Variants in SMG8 observed in about 807,000 individuals in gnomAD.
The protein encoded by SMG8 is nonsense-mediated mRNA decay factor SMG8.
Under a neutral mutation model 82.1 loss-of-function variants are expected in SMG8, and 49 were observed. The ratio of observed to expected loss-of-function variants is 0.60; its 90% CI spans 0.47 to 0.76. SMG8 has a LOEUF of 0.76. Ranked by LOEUF, SMG8 falls within the 30% of genes least tolerant of loss-of-function variation. The probability of loss-of-function intolerance (pLI) is 0.00; values close to 1 mark genes in which losing one functional copy is unlikely to be tolerated. For missense variants in SMG8, 969 were observed against 1,166.4 expected (o/e 0.83, Z 2.46); for synonymous variants, 404 against 430.0 (o/e 0.94, Z 0.75).
Position 59,211,617 on chromosome 17 carries a change from T to C in SMG8, c.1566T>C (p.Thr522=). ...QSNLPHNYTM[T]VHKNQLAQAL... ...ATTTGCCTCATAATTACACAATGAC[T>C]GTCCATAAGAATCAGCTTGCCCAGG... The change falls in exon 1 of 4, where the codon ACT becomes ACC. Residue 522 remains threonine (T), a synonymous_variant. Transcript: ENST00000300917. The C allele has an allele frequency of 6.2e-7, 1 of 1,614,092 alleles. No individual in the cohort carries two copies. Among genetic ancestry groups the C allele is most frequent in the Non-Finnish European group, 8.5e-7 (1 of 1,179,994 alleles).
Position 59,211,324 on chromosome 17 carries a change from A to G in SMG8, c.1273A>G (p.Lys425Glu). ...GCATGTGGAGCTAGTTCTAAGCAAG[A>G]AAGGTTTCGATGACAGTGTGGGCAG... is the stretch of plus-strand genomic sequence containing the variant. ...WQHVELVLSKKGFDDSVGRNP... is the reference protein window; with the variant it reads ...WQHVELVLSKEGFDDSVGRNP... The change falls in exon 1 of 4, where the codon AAA (lysine) becomes GAA (glutamate). Residue 425 changes from lysine to glutamate, a missense_variant. Lys to Glu is a moderately conservative substitution (Grantham distance 56). Around this residue, in one of 3 missense-constraint regions of SMG8, gnomAD observed 662 missense variants for 884.8 expected, o/e 0.75. Transcript: ENST00000300917. The G allele has an allele frequency of 6.2e-7, 1 of 1,614,124 alleles. No individual in the cohort carries two copies. Among genetic ancestry groups the G allele is most frequent in the Non-Finnish European group, 8.5e-7 (1 of 1,180,000 alleles).
At position 59,211,077 on chromosome 17, in the gene SMG8, C is replaced by G. The variant is rs1428845194; in HGVS notation, c.1026C>G (p.Ser342Arg). The change falls in exon 1 of 4, where the codon AGC becomes AGG. Residue 342 changes from serine to arginine, a missense_variant. Transcript: ENST00000300917. ...NQAFVYIVPG[S>R]QEEDPVGMLL... ...CTTTCGTGTACATAGTACCGGGAAG[C>G]CAGGAGGAGGACCCAGTAGGTATGT... The G allele has an allele frequency of 8.7e-6, 14 of 1,614,058 alleles. No homozygotes were observed. Among genetic ancestry groups the G allele is most frequent in the Non-Finnish European group, 1.2e-5 (14 of 1,180,042 alleles).
chr17:59,214,495 C>T lies in SMG8; in HGVS notation c.2779-310C>T, dbSNP rs182592429. ...GTGCAATCTCAGCTCACTGCACCTC[C>T]GCCTCCTGGGTTCAAGCTGTTCTCC... On this transcript the variant is annotated intron_variant, in intron 3 of 3. Coordinates refer to ENST00000300917, the MANE Select transcript of SMG8 (RefSeq NM_018149.7). Among the ~76,000 whole-genome samples the T allele has an allele frequency of 4.5e-3, 680 of 152,174 alleles. 9 individuals carry two copies. The highest frequency in any genetic ancestry group is 0.015 in the African/African-American group (635 of 41,532).
In SMG8 at chr17:59,212,915, A is replaced by G; in HGVS notation, c.2092A>G (p.Ser698Gly). 6.2e-7 allele frequency: 1 copy of G among 1,614,144 alleles called. No individual in the cohort carries two copies. The highest frequency in any genetic ancestry group is 8.5e-7 in the Non-Finnish European group (1 of 1,180,040). Residue 698 changes from serine to glycine, a missense_variant, in exon 3 of 4, where the codon AGT becomes GGT. Ser to Gly is a moderately conservative substitution (Grantham distance 56). Coordinates refer to ENST00000300917, the MANE Select transcript of SMG8 (RefSeq NM_018149.7). ...GAGCACGAGCCTGAGTTTAGCTTTG[A>G]GTTTGGGCCAATCCACAGATAGCTT... ...GESTSLSLAL[S>G]LGQSTDSLGT... is the part of the protein sequence containing the mutation.
chr17:59,211,079 A>G lies in SMG8; in HGVS notation c.1028A>G (p.Gln343Arg). Reference sequence around the variant, plus strand: ...TTCGTGTACATAGTACCGGGAAGCCAGGAGGAGGACCCAGTAGGTATGTTG... The same window carrying G: ...TTCGTGTACATAGTACCGGGAAGCCGGGAGGAGGACCCAGTAGGTATGTTG... ...QAFVYIVPGS[Q>R]EEDPVGMLLD... is the part of the protein sequence containing the mutation. The change falls in exon 1 of 4, where the codon CAG becomes CGG. Residue 343 changes from glutamine (Q) to arginine (R), a missense_variant. Gln to Arg is a conservative substitution (Grantham distance 43, BLOSUM62 1). Coordinates refer to ENST00000300917, the MANE Select transcript of SMG8 (RefSeq NM_018149.7). The G allele has an allele frequency of 1.2e-6, 2 of 1,614,208 alleles. No individual in the cohort carries two copies. Among genetic ancestry groups the G allele is most frequent in the Non-Finnish European group, 1.7e-6 (2 of 1,180,038 alleles).
At chr17:59,212,295 C>T (rs779464297) in intron 1 of SMG8, 46 bp from the exon 2 acceptor site, 35 of 1,499,146 alleles carry the variant, frequency 2.3e-5, no homozygotes, top group Non-Finnish European at 2.8e-5. Flanking sequence ...AAAGTAAATT[C>T]GCACATTGTG....
chr17:59,213,681 T>A (rs2046955421), intron 3 of SMG8, 80 bp downstream of exon 3: 1 of 1,496,352 alleles, frequency 6.7e-7, no homozygotes, highest in Admixed American at 2.3e-5. Flanking sequence ...AAAGTACAAG[T>A]TAGCCTCAAA....
Position 59,210,237 on chromosome 17 carries a change from C to G in SMG8, c.186C>G (p.Ser62=). The G allele has an allele frequency of 6.2e-7, 1 of 1,610,894 alleles. No individual in the cohort carries two copies. The highest frequency in any genetic ancestry group is 8.5e-7 in the Non-Finnish European group (1 of 1,178,674). Residue 62 remains serine (S), a synonymous_variant, in exon 1 of 4, where the codon TCC becomes TCG. Transcript: ENST00000300917. The part of the protein sequence containing the change: ...IFGKTALRLN[S]EKFSLVNTVC... ...GCAAGACGGCTCTACGCCTGAATTC[C>G]GAGAAGTTCTCTCTTGTGAATACGG...
chr17:59,211,881 T>G, intron 1 of SMG8, 71 bp downstream of exon 1: 1 of 1,341,916 alleles, frequency 7.5e-7, no homozygotes, highest in Non-Finnish European at 9.9e-7. Context: ...TTTAAGATAG[T>G]CTGTTCACTA....
rs2077874379 is a variant in SMG8, at chr17:59,211,776, CTG to C, written c.1730_1731del (p.Val577AlafsTer8). 1.3e-6 allele frequency: 2 copies of C among 1,555,404 alleles called. No individual in the cohort carries two copies. Among genetic ancestry groups the C allele is most frequent in the Middle Eastern group, 1.7e-4 (1 of 5,820 alleles). ...CEERSLTDQH[C>X]VHKFHSLPKS... ...AGGAGAGGAGTTTAACTGATCAACA[CTG>C]TGTGCACAAATTTCACTCATTACCT... is the stretch of plus-strand genomic sequence containing the variant. On this transcript the variant is annotated frameshift_variant, in exon 1 of 4. Transcript: ENST00000300917. LOFTEE classifies it high-confidence loss of function.
At chr17:59,212,253 TTTTG>T (rs2046948864) in intron 1 of SMG8, 84 bp from the exon 2 acceptor site, 12 of 1,112,298 alleles carry the variant, frequency 1.1e-5, no homozygotes, top group Admixed American at 2.3e-5. Context: ...TAGGTAAGGT[TTTTG>T]TTTGTGGGGT....
intron 3 of SMG8, among the ~76,000 whole-genome samples, 189 bp from the exon 4 acceptor site, chr17:59,214,616 C>T (rs2046959507): frequency 1.3e-5 from 2 of 152,050 alleles, no homozygotes; most frequent in African/African-American, 4.8e-5. Context: ...TCCATGTTGG[C>T]CAGGCTGGTC....
In SMG8 at chr17:59,210,295, C is replaced by T; in HGVS notation, c.244C>T (p.His82Tyr). ...CCGACAGGTCTTTCCTCTCTTTCGCCACCAAGATCCTGGGGATCCAGGACC... is the reference window on the plus strand; with the variant it reads ...CCGACAGGTCTTTCCTCTCTTTCGCTACCAAGATCCTGGGGATCCAGGACC... ...CDRQVFPLFRHQDPGDPGPGI... is the reference protein window; with the variant it reads ...CDRQVFPLFRYQDPGDPGPGI... Residue 82 changes from histidine (H) to tyrosine (Y), a missense_variant, in exon 1 of 4, where the codon CAC becomes TAC. Physicochemically the swap from His to Tyr is moderately conservative, Grantham distance 83. Around this residue, in one of 3 missense-constraint regions of SMG8, gnomAD observed 206 missense variants for 190.5 expected, o/e 1.08. Transcript: ENST00000300917. 1 of 1,613,158 alleles carries T rather than the reference C, an allele frequency of 6.2e-7. No individual in the cohort carries two copies. The highest frequency in any genetic ancestry group is 8.5e-7 in the Non-Finnish European group (1 of 1,179,764).
Position 59,211,017 on chromosome 17 carries a change from C to T in SMG8, c.966C>T (p.Ser322=), listed in dbSNP as rs770706918. 2.5e-6 allele frequency: 4 copies of T among 1,614,218 alleles called. No homozygotes were observed. The highest frequency in any genetic ancestry group is 3.4e-6 in the Non-Finnish European group (4 of 1,180,056). The change falls in exon 1 of 4, where the codon AGC becomes AGT. Residue 322 remains serine (S), a synonymous_variant. Transcript: ENST00000300917. ...FRKSRVLTNQ[S]INCLFTVPAN... ...AGAGTCGTGTCTTGACTAATCAGAG[C>T]ATCAACTGCCTCTTTACTGTGCCTG...
At position 59,210,057 on chromosome 17, in the gene SMG8, T is replaced by C. The variant is rs747218731; in HGVS notation, c.6T>C (p.Ala2=). 6.4e-7 allele frequency: 1 copy of C among 1,556,716 alleles called. No individual in the cohort carries two copies. Among genetic ancestry groups the C allele is most frequent in the Non-Finnish European group, 8.6e-7 (1 of 1,157,622 alleles). Residue 2 remains alanine (A), a synonymous_variant, in exon 1 of 4, where the codon GCT becomes GCC. Coordinates refer to ENST00000300917, the MANE Select transcript of SMG8 (RefSeq NM_018149.7). The part of the protein sequence containing the change: M[A]GPVSLRDLLM... ...TCTAGAGAACGCTCTGCACTATGGC[T>C]GGTCCCGTGAGCTTGCGAGACCTTC...
At chr17:59,214,489 C>T (rs2046958943) in intron 3 of SMG8, among the ~76,000 whole-genome samples, 1 of 152,068 alleles carries the variant, frequency 6.6e-6, no homozygotes, top group Non-Finnish European at 1.5e-5. Flanking sequence ...CAGCTCACTG[C>T]ACCTCCGCCT....
chr17:59,210,634 C>A lies in SMG8; in HGVS notation c.583C>A (p.Leu195Met). The change falls in exon 1 of 4, where the codon CTG becomes ATG. Residue 195 changes from leucine (L) to methionine (M), a missense_variant. Leu to Met is a conservative substitution (Grantham distance 15). Transcript: ENST00000300917. ...AHEFWKHQEK[L>M]QCLSLLYLFS... ...CGAGTTCTGGAAGCATCAAGAGAAG[C>A]TGCAGTGCCTCAGTCTCCTTTACCT... 6.2e-7 allele frequency: 1 copy of A among 1,612,420 alleles called. No individual in the cohort carries two copies. Among genetic ancestry groups the A allele is most frequent in the Non-Finnish European group, 8.5e-7 (1 of 1,179,266 alleles).
chr17:59,213,011 A>G lies in SMG8; in HGVS notation c.2188A>G (p.Thr730Ala). Residue 730 changes from threonine (T) to alanine (A), a missense_variant, in exon 3 of 4, where the codon ACT becomes GCT. Around this residue, in one of 3 missense-constraint regions of SMG8, gnomAD observed 662 missense variants for 884.8 expected, o/e 0.75. Transcript: ENST00000300917. ...PEVHGQVEVK[T>A]EKRPNFVDRQ... ...AGTTCATGGTCAAGTAGAAGTGAAA[A>G]CTGAGAAGAGGCCAAACTTCGTTGA... The G allele has an allele frequency of 6.2e-7, 1 of 1,614,144 alleles. No individual in the cohort carries two copies. Among genetic ancestry groups the G allele is most frequent in the Non-Finnish European group, 8.5e-7 (1 of 1,180,034 alleles).
In SMG8 at chr17:59,214,831, G is replaced by A. The variant is rs138640712; in HGVS notation, c.2805G>A (p.Pro935=). The change falls in exon 4 of 4, where the codon CCG becomes CCA. Residue 935 remains proline (P), a synonymous_variant. Transcript: ENST00000300917. ...TTCAGCCAGGCCCACCACCATGTCC[G>A]GTATTCTACCCAGAAAAACAAGAAA... ...PQVQPGPPPC[P]VFYPEKQEIT... 4.4e-4 allele frequency: 388 copies of A among 872,898 alleles called. No individual in the cohort carries two copies. The highest frequency in any genetic ancestry group is 6.5e-4 in the Non-Finnish European group (326 of 501,678). The allele number at this position is 872,898 out of a possible 1,614,324, so 54.1% of individuals were successfully genotyped here.
Sources: gnomAD v4.1 joint callset for allele counts (sites outside exome capture counted in the v4.1 genomes callset) on GRCh38, gnomAD v4.1.1 for gene constraint, gnomAD v4.1.1 regional missense constraint, MANE v1.5 for transcripts, NCBI Gene and HGNC (gene_info 2026-07-23, HGNC 2026-07-21) for gene names.